NFATC3: variants seen among roughly 807,000 people sequenced by gnomAD.
NFATC3 encodes nuclear factor of activated T cells 3.
Under a neutral mutation model 98.6 loss-of-function variants are expected in NFATC3, and 46 were observed. The ratio of observed to expected loss-of-function variants is 0.47; its 90% CI spans 0.37 to 0.60. The LOEUF is 0.60. Ranked by LOEUF, NFATC3 falls within the 20% of genes least tolerant of loss-of-function variation. NFATC3 has a pLI of 0.00. For missense variants in NFATC3, 1,256 were observed against 1,295.5 expected, an observed-to-expected ratio of 0.97 and a Z score of 0.47; for synonymous variants, 512 against 472.2, an observed-to-expected ratio of 1.08 and a Z score of -1.09.
At chr16:68,218,514 C>CAA (rs1326968858) in intron 9 of NFATC3, among the ~76,000 whole-genome samples, 8 of 59,396 alleles carry the variant, frequency 1.3e-4, no homozygotes, top group East Asian at 6.7e-4. Context: ...GAGAGCCTCT[C>CAA]AAAAAAAAAA....
chr16:68,142,644 G>A (rs2037816528), intron 3 of NFATC3, among the ~76,000 whole-genome samples: 1 of 151,946 alleles, frequency 6.6e-6, no homozygotes, highest in Non-Finnish European at 1.5e-5. Context: ...TGTAATCTCA[G>A]CTACTTGGGA....
chr16:68,135,741 A>G (rs1295917898), intron 3 of NFATC3, among the ~76,000 whole-genome samples: 2 of 152,110 alleles, frequency 1.3e-5, no homozygotes, highest in Admixed American at 6.6e-5. Context: ...GATTATCTGT[A>G]TATTTTAAAA....
chr16:68,217,464 CAAAAAAA>C lies in NFATC3; in HGVS notation c.3107-8866_3107-8860del, dbSNP rs68079157. On this transcript the variant is annotated intron_variant, in intron 9 of 9. Transcript: ENST00000346183. Reference sequence around the variant, plus strand: ...ACAGAGCAAGATCTAGTCTCTGTCTCAAAAAAAAAAAAAAAAAAAAAAAAAATCTGGC... The same window carrying C: ...ACAGAGCAAGATCTAGTCTCTGTCTCAAAAAAAAAAAAAAAAAAATCTGGC... Among the ~76,000 whole-genome samples the C allele has an allele frequency of 1.4e-3, 63 of 44,958 alleles. No individual in the cohort carries two copies. In the East Asian group the frequency reaches 0.017, roughly 12 times the overall value. 29.5% of individuals were successfully genotyped at this position (44,958 alleles called of 152,430 possible). A position where few individuals can be genotyped will look rare whatever the true frequency, so the allele number is the denominator to read the frequency against.
chr16:68,111,257 A>C (rs970614245), intron 1 of NFATC3, among the ~76,000 whole-genome samples: 3 of 152,198 alleles, frequency 2.0e-5, no homozygotes, highest in African/African-American at 7.2e-5. Context: ...GTGGGAGTCT[A>C]AGTCTCTTTG....
chr16:68,166,225 T>C (rs546354569), intron 4 of NFATC3, among the ~76,000 whole-genome samples: 9 of 152,366 alleles, frequency 5.9e-5, no homozygotes, highest in Admixed American at 2.6e-4. Context: ...GTTATCACTC[T>C]ATTATTTTGC....
At chr16:68,128,470 G>C (rs1335071706) in intron 3 of NFATC3, among the ~76,000 whole-genome samples, 2 of 151,654 alleles carry the variant, frequency 1.3e-5, no homozygotes, top group African/African-American at 2.4e-5. Context: ...ATATCTTTTA[G>C]TTTTCATAGC....
chr16:68,187,320 G>A (rs1175018962), intron 8 of NFATC3, among the ~76,000 whole-genome samples: 1 of 152,196 alleles, frequency 6.6e-6, no homozygotes, highest in East Asian at 1.9e-4. Context: ...CCTAGGTCTG[G>A]GCTTCCTGAA....
intron 1 of NFATC3, chr16:68,088,974 TTAAA>T (rs1305641441): frequency 2.0e-5 from 20 of 985,338 alleles, no homozygotes; most frequent in Non-Finnish European, 2.4e-5. Context: ...CTATATTTTG[TTAAA>T]TAAGTGAATA....
chr16:68,192,226 AAAAAATATATATATATAT>A (rs1286431152), intron 9 of NFATC3: 8 of 59,646 alleles, frequency 1.3e-4, no homozygotes, highest in Admixed American at 2.1e-4. Context: ...AAAAAAAAAA[AAAAAATATATATATATAT>A]ATATATATAT....
Position 68,226,897 on chromosome 16 carries a change from CAAAAAAAAAAAAAAAAAAA to C in NFATC3, c.*434_*452del, listed in dbSNP as rs397955987. 2 of 30,332 alleles carry C rather than the reference CAAAAAAAAAAAAAAAAAAA, an allele frequency of 6.6e-5. No individual in the cohort carries two copies. The highest frequency in any genetic ancestry group is 2.9e-4 in the African/African-American group (2 of 6,846). 1.9% of individuals were successfully genotyped at this position (30,332 alleles called of 1,614,324 possible). On this transcript the variant is annotated 3_prime_UTR_variant, in exon 10 of 10. Transcript: ENST00000346183. Reference sequence around the variant, plus strand: ...AACTTTTGATAAGACCTTCTAGAAGCAAAAAAAAAAAAAAAAAAAAAAAAAAGAAAAAAAAAGAAAAGAA... The same window carrying C: ...AACTTTTGATAAGACCTTCTAGAAGCAAAAAAAGAAAAAAAAAGAAAAGAA...
At chr16:68,129,289 C>G (rs1203990935) in intron 3 of NFATC3, among the ~76,000 whole-genome samples, 1 of 152,108 alleles carries the variant, frequency 6.6e-6, no homozygotes, top group African/African-American at 2.4e-5. Context: ...ACAGCTGAGT[C>G]TCTCGTTAAG....
chr16:68,210,481 A>G (rs994838207), intron 9 of NFATC3, among the ~76,000 whole-genome samples: 17 of 152,218 alleles, frequency 1.1e-4, no homozygotes, highest in African/African-American at 4.1e-4. Flanking sequence ...AAAAAAAATA[A>G]AAGAATTTTT....
chr16:68,195,237 A>G (rs2040613358), intron 9 of NFATC3, among the ~76,000 whole-genome samples: 1 of 152,130 alleles, frequency 6.6e-6, no homozygotes, highest in Non-Finnish European at 1.5e-5. Context: ...CTTGGGCGAC[A>G]AGAACGATAC....
Position 68,190,940 on chromosome 16 carries a change from C to T in NFATC3, c.2271C>T (p.Ser757=), listed in dbSNP as rs752614447. ...LICSIPQTYA[S]MVTSSHLPQL... ...GCTCCATCCCACAAACATATGCATC[C>T]ATGGTGACCTCATCCCATCTGCCAC... Residue 757 remains serine (S), a synonymous_variant, in exon 9 of 10, where the codon TCC becomes TCT. Coordinates refer to ENST00000346183, the MANE Select transcript of NFATC3 (RefSeq NM_173165.3). 2 of 1,614,186 alleles carry T rather than the reference C, an allele frequency of 1.2e-6. No homozygotes were observed. Among genetic ancestry groups the T allele is most frequent in the Non-Finnish European group, 1.7e-6 (2 of 1,180,036 alleles).
At chr16:68,144,859 T>C (rs1300041231) in intron 3 of NFATC3, among the ~76,000 whole-genome samples, 1 of 152,084 alleles carries the variant, frequency 6.6e-6, no homozygotes, top group Non-Finnish European at 1.5e-5. Flanking sequence ...AGTTTCAACA[T>C]GTTGGCCAGG....
intron 1 of NFATC3, among the ~76,000 whole-genome samples, chr16:68,096,201 AG>A (rs1486666443): frequency 6.6e-6 from 1 of 152,110 alleles, no homozygotes; most frequent in Non-Finnish European, 1.5e-5. Flanking sequence ...CCTGGGCCTG[AG>A]CAGTCCTCCC....
chr16:68,215,451 G>A (rs2041595297), intron 9 of NFATC3, among the ~76,000 whole-genome samples: 1 of 152,244 alleles, frequency 6.6e-6, no homozygotes, highest in Non-Finnish European at 1.5e-5. Context: ...CAAGGCTAAA[G>A]CTTACTTCTT....
intron 4 of NFATC3, among the ~76,000 whole-genome samples, chr16:68,161,784 C>G (rs987931501): frequency 1.3e-5 from 2 of 151,836 alleles, no homozygotes; most frequent in African/African-American, 4.8e-5. Flanking sequence ...TGTAAAATGC[C>G]TCATATCCTT....
chr16:68,182,361 T>C (rs1048283367), intron 7 of NFATC3, among the ~76,000 whole-genome samples: 1 of 152,210 alleles, frequency 6.6e-6, no homozygotes, highest in African/African-American at 2.4e-5. Flanking sequence ...GAATACCACT[T>C]CCCACAGTGC....
Sources: gnomAD v4.1 joint callset for allele counts (sites outside exome capture counted in the v4.1 genomes callset) on GRCh38, gnomAD v4.1.1 for gene constraint, MANE v1.5 for transcripts, NCBI Gene and HGNC (gene_info 2026-07-23, HGNC 2026-07-21) for gene names.